Variants in CIMAP1B observed in about 807,000 individuals in gnomAD.
CIMAP1B encodes the protein ciliary microtubule associated protein 1B.
chr22:50,531,378 G>T, the CIMAP1B span: 1 of 1,214,416 alleles, frequency 8.2e-7, no homozygotes, highest in Non-Finnish European at 1.2e-6. Context: ...GGGACTAGTG[G>T]GGAGTCTGAG....
chr22:50,530,976 G>A, the CIMAP1B span: 1 of 1,611,424 alleles, frequency 6.2e-7, no homozygotes, highest in Admixed American at 1.7e-5. Flanking sequence ...CCGCTCTGCG[G>A]CCGTAGATGG....
chr22:50,532,126 C>A, the CIMAP1B span: 1 of 1,330,960 alleles, frequency 7.5e-7, no homozygotes, highest in Non-Finnish European at 9.7e-7. Flanking sequence ...GGACAGAAGG[C>A]GGTGGCCGCG....
chr22:50,532,164 C>A, the CIMAP1B span: 3 of 1,302,276 alleles, frequency 2.3e-6, no homozygotes, highest in Admixed American at 4.2e-5. Context: ...TCTTGGGGAG[C>A]GCACTTTCCC....
the CIMAP1B span, chr22:50,531,683 C>A: frequency 7.3e-7 from 1 of 1,371,100 alleles, no homozygotes; most frequent in Non-Finnish European, 9.4e-7. Flanking sequence ...GTGGCCTGGC[C>A]CGGGGCCGCA....
chr22:50,532,272 G>T, the CIMAP1B span: 21 of 773,702 alleles, frequency 2.7e-5, no homozygotes, highest in African/African-American at 3.4e-4. Flanking sequence ...TGTGGAGCTT[G>T]GGGCCGGGAG....
At chr22:50,532,139 C>T in the CIMAP1B span, 1 of 1,320,970 alleles carries the variant, frequency 7.6e-7, no homozygotes. Flanking sequence ...TGGCCGCGGC[C>T]CCTGCACCGC....
At chr22:50,531,107 C>CAGGGTGGTCCCAGCTCCCGG in the CIMAP1B span, 1 of 1,590,236 alleles carries the variant, frequency 6.3e-7, no homozygotes, top group Non-Finnish European at 8.6e-7. Context: ...CGGACAGGCG[C>CAGGGTGGTCCCAGCTCCCGG]AGGGTGGTCC....
At chr22:50,530,800 C>T in the CIMAP1B span, 1 of 1,605,562 alleles carries the variant, frequency 6.2e-7, no homozygotes. Context: ...CTGGGGGGCC[C>T]GGGACTTGTA....
the CIMAP1B span, chr22:50,531,191 C>A: frequency 6.2e-7 from 1 of 1,612,224 alleles, no homozygotes; most frequent in Non-Finnish European, 8.5e-7. Context: ...CTGACCTCAC[C>A]TGGGCTCTGC....
At chr22:50,532,077 T>C in the CIMAP1B span, 1 of 1,367,106 alleles carries the variant, frequency 7.3e-7, no homozygotes, top group Non-Finnish European at 9.5e-7. Flanking sequence ...TCCGAGCCCA[T>C]AGCGCGGGTG....
chr22:50,531,216 A>C, the CIMAP1B span: 5 of 1,612,824 alleles, frequency 3.1e-6, no homozygotes, highest in East Asian at 1.1e-4. Flanking sequence ...CCGCCTGGAC[A>C]CCCCAGTTTC....
chr22:50,530,840 A>T, the CIMAP1B span: 1 of 1,604,208 alleles, frequency 6.2e-7, no homozygotes, highest in Non-Finnish European at 8.5e-7. Flanking sequence ...TGATAGGCGC[A>T]GGGGCCCGGG....
chr22:50,532,030 G>C, the CIMAP1B span: 1 of 1,345,730 alleles, frequency 7.4e-7, no homozygotes, highest in Non-Finnish European at 9.6e-7. Flanking sequence ...CGATGGGGCC[G>C]CGGGGCCGGT....
chr22:50,532,070 G>T, the CIMAP1B span: 1 of 1,367,046 alleles, frequency 7.3e-7, no homozygotes, highest in Non-Finnish European at 9.5e-7. Flanking sequence ...CCAGGCGTCC[G>T]AGCCCATAGC....
At chr22:50,531,154 A>G in the CIMAP1B span, 1 of 1,591,398 alleles carries the variant, frequency 6.3e-7, no homozygotes. Context: ...TCGAGTGGGA[A>G]GGCCCACAGT....
At chr22:50,531,933 G>A in the CIMAP1B span, 12 of 1,303,424 alleles carry the variant, frequency 9.2e-6, no homozygotes, top group Non-Finnish European at 1.2e-5. Flanking sequence ...CCCAGGCGCC[G>A]TCCCACCCCT....
the CIMAP1B span, chr22:50,531,538 G>T: frequency 2.9e-6 from 4 of 1,403,176 alleles, no homozygotes; most frequent in East Asian, 5.7e-5. Context: ...GCAGTTCGGC[G>T]TTGGGGTGGC....
the CIMAP1B span, chr22:50,531,046 T>TA: frequency 6.2e-7 from 1 of 1,610,132 alleles, no homozygotes; most frequent in Non-Finnish European, 8.5e-7. Context: ...GGGCACCGTA[T>TA]AGGCCGCGGG....
chr22:50,530,559 T>C, the CIMAP1B span: 15 of 1,588,994 alleles, frequency 9.4e-6, no homozygotes, highest in East Asian at 3.2e-4. Flanking sequence ...GGGCTTCCGG[T>C]GCTGCGGGCC....
Sources: gnomAD v4.1 joint callset for allele counts on GRCh38, gnomAD v4.1.1 for gene constraint, MANE v1.5 for transcripts, NCBI Gene and HGNC (gene_info 2026-07-23, HGNC 2026-07-21) for gene names.